The following PGBD5 variants were observed in gnomAD, a reference collection of about 807,000 sequenced individuals.
PGBD5 encodes the protein piggyBac transposable element-derived protein 5.
PGBD5 carries 14 observed loss-of-function variants against 47.9 expected under a neutral mutation model. The ratio of observed to expected loss-of-function variants is 0.29; its 90% confidence interval spans 0.19 to 0.46. PGBD5 has a LOEUF of 0.46. Among genes scored for constraint, PGBD5 ranks in the 20% least tolerant of loss-of-function variants. The probability of loss-of-function intolerance (pLI) is 1.00; values close to 1 mark genes in which losing one functional copy is unlikely to be tolerated. For missense variants in PGBD5, 635 were observed against 716.0 expected (o/e 0.89, Z 1.29); for synonymous variants, 316 against 306.3 (o/e 1.03, Z -0.33).
At chr1:230,409,231 G>A (rs986350623) in intron 1 of PGBD5, among the ~76,000 whole-genome samples, 3 of 152,162 alleles carry the variant, frequency 2.0e-5, no homozygotes, top group Admixed American at 1.3e-4. Flanking sequence ...AGAATATGAA[G>A]AAACTGGAAC....
chr1:230,346,837 C>T (rs1667480291), intron 3 of PGBD5, among the ~76,000 whole-genome samples: 1 of 152,144 alleles, frequency 6.6e-6, no homozygotes, highest in Admixed American at 6.5e-5. Flanking sequence ...TTTAACGTGT[C>T]CATCTCTCCT....
intron 1 of PGBD5, among the ~76,000 whole-genome samples, chr1:230,363,322 C>T (rs1195684269): frequency 6.6e-6 from 1 of 152,220 alleles, no homozygotes; most frequent in Admixed American, 6.5e-5. Flanking sequence ...TGGCTCATGC[C>T]TGTAATCCCA....
At chr1:230,396,775 A>G (rs1656990516) in intron 1 of PGBD5, among the ~76,000 whole-genome samples, 1 of 152,036 alleles carries the variant, frequency 6.6e-6, no homozygotes, top group Non-Finnish European at 1.5e-5. Context: ...CTGCTCTCAG[A>G]GCCTCCATTT....
chr1:230,381,021 G>A (rs1280967309), intron 1 of PGBD5, among the ~76,000 whole-genome samples: 1 of 152,244 alleles, frequency 6.6e-6, no homozygotes, highest in Non-Finnish European at 1.5e-5. Flanking sequence ...GAGTGACAAT[G>A]AGGCAAACAC....
intron 1 of PGBD5, among the ~76,000 whole-genome samples, chr1:230,422,648 G>A (rs779244762): frequency 2.7e-4 from 41 of 152,140 alleles, no homozygotes; most frequent in Non-Finnish European, 5.3e-4. Flanking sequence ...GGTGAGAGAG[G>A]AGACAGAAGA....
chr1:230,400,784 T>C (rs1657118869), intron 1 of PGBD5, among the ~76,000 whole-genome samples: 1 of 152,166 alleles, frequency 6.6e-6, no homozygotes, highest in Admixed American at 6.5e-5. Flanking sequence ...TAGGCTGTAG[T>C]GTGCTGACTG....
At chr1:230,421,208 C>G (rs534812247) in intron 1 of PGBD5, among the ~76,000 whole-genome samples, 48 of 152,252 alleles carry the variant, frequency 3.2e-4, no homozygotes, top group African/African-American at 1.2e-3. Flanking sequence ...CTACGCCAAC[C>G]ACTATACCAC....
intron 1 of PGBD5, among the ~76,000 whole-genome samples, chr1:230,377,309 CAG>C (rs943405331): frequency 6.6e-6 from 1 of 152,178 alleles, no homozygotes; most frequent in Admixed American, 6.5e-5. Flanking sequence ...TTTGCAGAAT[CAG>C]AGAGGTGAGC....
chr1:230,390,780 A>G (rs137990282), intron 1 of PGBD5, among the ~76,000 whole-genome samples: 55 of 152,102 alleles, frequency 3.6e-4, no homozygotes, highest in African/African-American at 1.3e-3. Flanking sequence ...GAGTCTCAAA[A>G]AAAGGCTGGA....
At chr1:230,416,534 G>A (rs990511285) in intron 1 of PGBD5, among the ~76,000 whole-genome samples, 1 of 152,198 alleles carries the variant, frequency 6.6e-6, no homozygotes, top group Non-Finnish European at 1.5e-5. Flanking sequence ...GGAGAGACCA[G>A]AGGGAAGGTA....
chr1:230,329,166 G>A (rs984103308), intron 5 of PGBD5, among the ~76,000 whole-genome samples: 5 of 151,690 alleles, frequency 3.3e-5, no homozygotes, highest in African/African-American at 1.2e-4. Flanking sequence ...GTCCTGCCAT[G>A]TTGCTCAGAC....
At chr1:230,413,392 C>T (rs538855037) in intron 1 of PGBD5, among the ~76,000 whole-genome samples, 1 of 152,098 alleles carries the variant, frequency 6.6e-6, no homozygotes, top group Admixed American at 6.6e-5. Flanking sequence ...CCCAGCTACT[C>T]AGGAGGCTGG....
intron 1 of PGBD5, among the ~76,000 whole-genome samples, chr1:230,406,089 A>C (rs774122125): frequency 6.6e-6 from 1 of 152,132 alleles, no homozygotes; most frequent in Non-Finnish European, 1.5e-5. Flanking sequence ...CAGGTGGATC[A>C]TGAGGTCAGG....
intron 1 of PGBD5, among the ~76,000 whole-genome samples, chr1:230,405,342 C>T (rs1657276771): frequency 6.6e-6 from 1 of 152,172 alleles, no homozygotes; most frequent in African/African-American, 2.4e-5. Flanking sequence ...CCCTCCTCAT[C>T]CTTCTCTCCT....
chr1:230,413,850 C>A lies in PGBD5; in HGVS notation c.331+11748G>T, dbSNP rs139752243. 1.3e-3 allele frequency among the ~76,000 whole-genome samples: 196 copies of A among 152,328 alleles called. 3 individuals are homozygous for A. Among genetic ancestry groups the A allele is most frequent in the African/African-American group, 4.6e-3 (192 of 41,572 alleles). Reference sequence around the variant, plus strand: ...TGTTTGAGGGCTAGAACCTCTGCTTCTTATCAATCCCCAGTTTTTAACATA... The same window carrying A: ...TGTTTGAGGGCTAGAACCTCTGCTTATTATCAATCCCCAGTTTTTAACATA... On this transcript the variant is annotated intron_variant, in intron 1 of 6. Transcript: ENST00000391860.
chr1:230,343,371 T>C (rs1667435274), intron 3 of PGBD5, among the ~76,000 whole-genome samples: 3 of 152,164 alleles, frequency 2.0e-5, no homozygotes, highest in African/African-American at 7.2e-5. Context: ...GAGGGTTGAA[T>C]CTGATCCACA....
intron 3 of PGBD5, among the ~76,000 whole-genome samples, chr1:230,349,110 G>C (rs980772165): frequency 2.0e-5 from 3 of 152,214 alleles, no homozygotes; most frequent in African/African-American, 7.2e-5. Flanking sequence ...TCTGAACTGA[G>C]AGAGAGAGAT....
At chr1:230,335,785 ACACACAGGCACAAAGACAC>A (rs2102817827) in intron 4 of PGBD5, among the ~76,000 whole-genome samples, 1 of 124,058 alleles carries the variant, frequency 8.1e-6, no homozygotes, top group Admixed American at 8.5e-5. Context: ...ACACACACAC[ACACACAGGCACAAAGACAC>A]ACAGACACAT....
At chr1:230,404,826 G>T (rs1208312365) in intron 1 of PGBD5, among the ~76,000 whole-genome samples, 1 of 150,714 alleles carries the variant, frequency 6.6e-6, no homozygotes, top group African/African-American at 2.4e-5. Context: ...TCTGGAGGCT[G>T]AGGCAGGAAA....
Sources: allele counts gnomAD v4.1 joint callset (sites outside exome capture counted in the v4.1 genomes callset), GRCh38; gene constraint gnomAD v4.1.1; transcripts MANE v1.5; gene names NCBI Gene and HGNC (gene_info 2026-07-23, HGNC 2026-07-21).